The following SIPA1L3 variants were observed in gnomAD, a reference collection of about 807,000 sequenced individuals.
SIPA1L3 encodes signal induced proliferation associated 1 like 3.
Under a neutral mutation model 150.1 loss-of-function variants are expected in SIPA1L3, and 59 were observed. That is an observed-to-expected ratio of 0.39 (90% CI 0.32 to 0.49). SIPA1L3 has a LOEUF of 0.49. Ranked by LOEUF, SIPA1L3 falls within the 20% of genes least tolerant of loss-of-function variation. SIPA1L3 has a pLI of 0.86. For synonymous variants in SIPA1L3, 1,070 were observed against 1,077.6 expected (o/e 0.99, Z 0.14); for missense variants, 2,211 against 2,489.5 (o/e 0.89, Z 2.38).
At chr19:38,025,312 A>C (rs1021275457) in intron 1 of SIPA1L3, among the ~76,000 whole-genome samples, 1 of 152,140 alleles carries the variant, frequency 6.6e-6, no homozygotes, top group Non-Finnish European at 1.5e-5. Flanking sequence ...TGTGTGATGA[A>C]TGGGTCATGG....
intron 6 of SIPA1L3, among the ~76,000 whole-genome samples, chr19:38,106,134 T>C (rs1970618971): frequency 6.7e-6 from 1 of 149,450 alleles, no homozygotes; most frequent in African/African-American, 2.5e-5. Context: ...TGAGACAGAG[T>C]CTAACCCTGT....
intron 19 of SIPA1L3, chr19:38,200,487 T>G (rs1036805236): frequency 6.6e-6 from 1 of 152,164 alleles, no homozygotes; most frequent in East Asian, 1.9e-4. Context: ...GGTTTGTGAA[T>G]AGCCACTGCA....
chr19:37,992,958 C>T (rs1235982814), intron 1 of SIPA1L3, among the ~76,000 whole-genome samples: 1 of 152,188 alleles, frequency 6.6e-6, no homozygotes, highest in East Asian at 1.9e-4. Flanking sequence ...ACCTGGGTCC[C>T]TGGTGCTCCC....
At chr19:38,069,963 A>G (rs965068347) in intron 2 of SIPA1L3, among the ~76,000 whole-genome samples, 1 of 151,454 alleles carries the variant, frequency 6.6e-6, no homozygotes, top group African/African-American at 2.4e-5. Flanking sequence ...GGCACGAGCT[A>G]CCATGCCTGG....
At chr19:38,080,047 G>C (rs1363817252) in intron 2 of SIPA1L3, among the ~76,000 whole-genome samples, 1 of 152,202 alleles carries the variant, frequency 6.6e-6, no homozygotes, top group Non-Finnish European at 1.5e-5. Context: ...GCAGGGGAAG[G>C]AGTTTGGATG....
intron 15 of SIPA1L3, among the ~76,000 whole-genome samples, chr19:38,167,248 A>T (rs1020010685): frequency 9.8e-4 from 148 of 150,460 alleles, no homozygotes; most frequent in African/African-American, 3.2e-3. Context: ...AAAAAAAAAA[A>T]GGTGAAGCAG....
At chr19:38,153,214 G>A (rs1353649323) in intron 13 of SIPA1L3, among the ~76,000 whole-genome samples, 9 of 152,222 alleles carry the variant, frequency 5.9e-5, no homozygotes, top group Admixed American at 1.3e-4. Context: ...GGCCAGAGCC[G>A]GCGTGCAGCT....
At chr19:38,107,993 C>CAA (rs374605991) in intron 7 of SIPA1L3, among the ~76,000 whole-genome samples, 4 of 130,708 alleles carry the variant, frequency 3.1e-5, no homozygotes, top group African/African-American at 9.7e-5. Context: ...GAAAAAAAAG[C>CAA]AAAAAAAAAA....
At chr19:38,085,813 G>T (rs1035665917) in intron 3 of SIPA1L3, among the ~76,000 whole-genome samples, 4 of 152,136 alleles carry the variant, frequency 2.6e-5, no homozygotes, top group Non-Finnish European at 4.4e-5. Context: ...TGGCCAGCAT[G>T]GTGAGACCCT....
At chr19:37,968,706 C>T (rs1191999186) in intron 1 of SIPA1L3, among the ~76,000 whole-genome samples, 3 of 152,222 alleles carry the variant, frequency 2.0e-5, no homozygotes, top group African/African-American at 7.2e-5. Flanking sequence ...TGGTTCCAGT[C>T]TCAAATTGGT....
Position 38,045,574 on chromosome 19 carries a change from G to GA in SIPA1L3, c.-311+16425dup, listed in dbSNP as rs530908043. On this transcript the variant is annotated intron_variant, in intron 2 of 21. Transcript: ENST00000222345. Reference sequence around the variant, plus strand: ...GTGACAGAGCAAGACCTTGTCTCAGGAAAAAAAGAAAGAAAAAGTGCAGGG... The same window carrying GA: ...GTGACAGAGCAAGACCTTGTCTCAGGAAAAAAAAGAAAGAAAAAGTGCAGGG... Among the ~76,000 whole-genome samples, 470 of 151,916 alleles carry GA rather than the reference G, an allele frequency of 3.1e-3. 2 individuals carry two copies. Among genetic ancestry groups the GA allele is most frequent in the African/African-American group, 0.011 (446 of 41,414 alleles).
At chr19:38,011,483 G>C (rs1968096672) in intron 1 of SIPA1L3, among the ~76,000 whole-genome samples, 1 of 152,050 alleles carries the variant, frequency 6.6e-6, no homozygotes, top group Non-Finnish European at 1.5e-5. Flanking sequence ...CTTGAAAAAA[G>C]AAAAACAGCA....
intron 1 of SIPA1L3, among the ~76,000 whole-genome samples, chr19:38,012,298 C>T (rs748929929): frequency 3.3e-5 from 5 of 151,930 alleles, no homozygotes; most frequent in African/African-American, 4.8e-5. Flanking sequence ...GTTGCCCAGG[C>T]TGATTTCGAA....
At position 38,052,209 on chromosome 19, in the gene SIPA1L3, C is replaced by T. The variant is rs966253583; in HGVS notation, c.-311+23053C>T. 6.6e-5 allele frequency among the ~76,000 whole-genome samples: 10 copies of T among 152,284 alleles called. No homozygotes were observed. The South Asian group carries it at 1.7e-3, about 25-fold the overall frequency. On this transcript the variant is annotated intron_variant, in intron 2 of 21. Transcript: ENST00000222345. ...CTTCTCCCTTGATTCTCAGATGCCC[C>T]TAAGACATAGACAAGGCAGGTGTAT...
intron 9 of SIPA1L3, among the ~76,000 whole-genome samples, chr19:38,124,576 C>T (rs1237715856): frequency 4.0e-5 from 6 of 151,140 alleles, no homozygotes; most frequent in East Asian, 1.9e-4. Flanking sequence ...CAGGCAGAGA[C>T]GCTCCTCACT....
intron 4 of SIPA1L3, among the ~76,000 whole-genome samples, chr19:38,098,975 T>C (rs1970438829): frequency 6.6e-6 from 1 of 152,148 alleles, no homozygotes; most frequent in Non-Finnish European, 1.5e-5. Context: ...TCTTTTCTTT[T>C]CCCTTCTCTT....
intron 18 of SIPA1L3, among the ~76,000 whole-genome samples, chr19:38,197,378 G>A (rs142181810): frequency 1.8e-3 from 276 of 152,172 alleles, no homozygotes; most frequent in African/African-American, 6.0e-3. Context: ...CTCAATAGCC[G>A]CAGCAGGTGC....
At position 38,082,301 on chromosome 19, in the gene SIPA1L3, C is replaced by G. The variant is rs1339754696; in HGVS notation, c.736C>G (p.Pro246Ala). Residue 246 changes from proline to alanine, a missense_variant, in exon 3 of 22, where the codon CCT becomes GCT. Around this residue, in one of 5 missense-constraint regions of SIPA1L3, gnomAD observed 587 missense variants for 534.5 expected, o/e 1.10. Coordinates refer to ENST00000222345, the MANE Select transcript of SIPA1L3 (RefSeq NM_015073.3). ...QALTELLRAD[P>A]GPHLMGGGGG... ...CCTCACCGAGCTCCTCCGGGCAGAT[C>G]CTGGCCCACACCTCATGGGGGGCGG... is the stretch of plus-strand genomic sequence containing the variant. 1 of 1,599,520 alleles carries G rather than the reference C, an allele frequency of 6.3e-7. No homozygotes were observed. Among genetic ancestry groups the G allele is most frequent in the East Asian group, 2.2e-5 (1 of 44,844 alleles).
intron 8 of SIPA1L3, among the ~76,000 whole-genome samples, chr19:38,117,620 GAA>G (rs562060967): frequency 3.5e-5 from 5 of 143,504 alleles, no homozygotes; most frequent in African/African-American, 1.0e-4. Flanking sequence ...CTCCATCTCA[GAA>G]AAAAAAAAAA....
Sources: gnomAD v4.1 joint callset for allele counts (sites outside exome capture counted in the v4.1 genomes callset) on GRCh38, gnomAD v4.1.1 for gene constraint, gnomAD v4.1.1 regional missense constraint, MANE v1.5 for transcripts, NCBI Gene and HGNC (gene_info 2026-07-23, HGNC 2026-07-21) for gene names.